The following FAM76A variants were observed in gnomAD, a reference collection of about 807,000 sequenced individuals.
The protein encoded by FAM76A is family with sequence similarity 76 member A.
In FAM76A, 32 loss-of-function variants were observed where a neutral mutation model predicts 46.2. The observed-to-expected ratio is 0.69, with a 90% CI of 0.52 to 0.93. The LOEUF (loss-of-function observed/expected upper bound fraction) is 0.93. Among genes scored for constraint, FAM76A ranks in the 40% least tolerant of loss-of-function variants. FAM76A has a pLI of 0.00. For synonymous variants in FAM76A, 137 were observed against 127.0 expected (o/e 1.08, Z -0.53); for missense variants, 274 against 361.5 (o/e 0.76, Z 1.96).
At chr1:27,744,053 C>T (rs1451572830) in intron 4 of FAM76A, among the ~76,000 whole-genome samples, 2 of 152,046 alleles carry the variant, frequency 1.3e-5, no homozygotes, top group African/African-American at 2.4e-5. Flanking sequence ...GAATTTTACT[C>T]GTCTGTGTTT....
At chr1:27,726,294 C>A in intron 1 of FAM76A, 133 bp downstream of exon 1, 1 of 791,578 alleles carries the variant, frequency 1.3e-6, no homozygotes, top group Non-Finnish European at 1.7e-6. Context: ...GGAGCCGCAC[C>A]CACCCCGCTG....
intron 1 of FAM76A, among the ~76,000 whole-genome samples, chr1:27,726,370 T>A (rs937850548): frequency 3.3e-5 from 5 of 151,838 alleles, no homozygotes; most frequent in Non-Finnish European, 5.9e-5. Context: ...CGTGTCCGGG[T>A]GCTTAGCAAC....
chr1:27,760,064 T>G, intron 8 of FAM76A: 1 of 449,292 alleles, frequency 2.2e-6, no homozygotes, highest in Non-Finnish European at 4.5e-6. Flanking sequence ...TGAGCCACCA[T>G]GCCCAGCCTG....
At chr1:27,744,890 A>G in intron 5 of FAM76A, 79 bp downstream of exon 5, 1 of 1,350,366 alleles carries the variant, frequency 7.4e-7, no homozygotes, top group Non-Finnish European at 1.0e-6. Flanking sequence ...CATGGTACAT[A>G]CTACCATCTC....
intron 6 of FAM76A, among the ~76,000 whole-genome samples, chr1:27,750,682 A>G (rs796608299): frequency 6.6e-5 from 10 of 152,276 alleles, no homozygotes; most frequent in African/African-American, 1.9e-4. Flanking sequence ...ACTTTCTATT[A>G]GCTTATTTTG....
intron 7 of FAM76A, among the ~76,000 whole-genome samples, chr1:27,757,594 C>A (rs1344044203): frequency 6.6e-6 from 1 of 152,148 alleles, no homozygotes; most frequent in African/African-American, 2.4e-5. Context: ...GTCTTGAACT[C>A]CTGACCTCAA....
chr1:27,726,229 G>T (rs1226370979), intron 1 of FAM76A, 68 bp downstream of exon 1: 8 of 1,211,446 alleles, frequency 6.6e-6, no homozygotes, highest in Non-Finnish European at 8.3e-6. Context: ...TCCAGATTCT[G>T]TGGGGACGCC....
intron 4 of FAM76A, among the ~76,000 whole-genome samples, chr1:27,741,991 C>G (rs1169819799): frequency 6.6e-6 from 1 of 151,840 alleles, no homozygotes; most frequent in African/African-American, 2.4e-5. Context: ...GCAGCTCTCA[C>G]AGCAGTGAGA....
intron 4 of FAM76A, chr1:27,739,089 A>T: frequency 3.3e-6 from 1 of 305,686 alleles, no homozygotes; most frequent in African/African-American, 2.2e-5. Context: ...AGCCCACTAC[A>T]CTACAAGGAG....
At chr1:27,743,816 C>T (rs2088195795) in intron 4 of FAM76A, among the ~76,000 whole-genome samples, 1 of 151,852 alleles carries the variant, frequency 6.6e-6, no homozygotes, top group African/African-American at 2.4e-5. Context: ...TGGCATGTAC[C>T]TGTAGTCCTG....
At chr1:27,739,357 T>C (rs2088111137) in intron 4 of FAM76A, 2 of 526,114 alleles carry the variant, frequency 3.8e-6, no homozygotes, top group South Asian at 2.8e-5. Context: ...CCTACACTAC[T>C]TAAATATGGA....
rs988606850 is a variant in FAM76A, at chr1:27,732,664, A to G, written c.201+7A>G. The G allele has an allele frequency of 6.2e-7, 1 of 1,605,204 alleles. No homozygotes were observed. Among genetic ancestry groups the G allele is most frequent in the African/African-American group, 1.3e-5 (1 of 74,866 alleles). ...CGTGCAGTTGTATGGAACGGTAAGT[A>G]GGATATTTTCAAACCTAACAGTGAG... On this transcript the variant is annotated splice_region_variant and intron_variant, in intron 3 of 8. Transcript: ENST00000373954.
intron 6 of FAM76A, among the ~76,000 whole-genome samples, chr1:27,749,572 A>T (rs2088300335): frequency 6.6e-6 from 1 of 152,082 alleles, no homozygotes; most frequent in Non-Finnish European, 1.5e-5. Context: ...CACCATGTTG[A>T]CTTGAACTCC....
chr1:27,744,427 C>T (rs1018784628), intron 4 of FAM76A, among the ~76,000 whole-genome samples: 6 of 152,026 alleles, frequency 3.9e-5, no homozygotes, highest in South Asian at 4.1e-4. Flanking sequence ...GCGCCCGGCC[C>T]GGCAGCTGAA....
At chr1:27,737,679 C>G (rs1403866144) in intron 4 of FAM76A, among the ~76,000 whole-genome samples, 1 of 151,936 alleles carries the variant, frequency 6.6e-6, no homozygotes, top group Non-Finnish European at 1.5e-5. Flanking sequence ...TGGTGAAACA[C>G]TGTTTCTACA....
chr1:27,740,402 G>A, intron 4 of FAM76A: 1 of 1,385,996 alleles, frequency 7.2e-7, no homozygotes, highest in Non-Finnish European at 1.0e-6. Context: ...AGAAATTCAT[G>A]GATGATATGG....
At chr1:27,729,301 G>A (rs556276628) in intron 2 of FAM76A, among the ~76,000 whole-genome samples, 3 of 151,382 alleles carry the variant, frequency 2.0e-5, no homozygotes, top group East Asian at 1.9e-4. Flanking sequence ...TCCCCTCTCC[G>A]GGCTCAAATG....
chr1:27,740,589 T>C (rs946396315), intron 4 of FAM76A: 2 of 909,506 alleles, frequency 2.2e-6, no homozygotes, highest in East Asian at 5.1e-5. Flanking sequence ...TTAAGAAATA[T>C]ATGTTCAGAA....
intron 2 of FAM76A, 50 bp from the exon 3 acceptor site, chr1:27,732,553 C>A: frequency 6.5e-7 from 1 of 1,549,714 alleles, no homozygotes; most frequent in South Asian, 1.1e-5. Context: ...AAGGAGGTAT[C>A]AGTTTTCAGA....
Sources: allele counts gnomAD v4.1 joint callset (sites outside exome capture counted in the v4.1 genomes callset), GRCh38; gene constraint gnomAD v4.1.1; transcripts MANE v1.5; gene names NCBI Gene and HGNC (gene_info 2026-07-23, HGNC 2026-07-21).